The following NOL4 variants were observed in gnomAD, a reference collection of about 807,000 sequenced individuals.
NOL4 encodes nucleolar protein 4, also known as cancer/testis antigen 125.
A neutral mutation model predicts 75.9 loss-of-function variants in NOL4; 17 were observed. The observed-to-expected ratio is 0.22, with a 90% confidence interval of 0.15 to 0.34. The LOEUF (loss-of-function observed/expected upper bound fraction) is 0.34. NOL4 is among the 10% of genes least tolerant of loss of function. NOL4 has a pLI of 1.00. For missense variants in NOL4, 614 were observed against 793.5 expected (o/e 0.77, Z 2.72); for synonymous variants, 292 against 289.9 (o/e 1.01, Z -0.07).
chr18:33,922,786 C>A (rs1342948718), intron 9 of NOL4, among the ~76,000 whole-genome samples: 6 of 152,180 alleles, frequency 3.9e-5, no homozygotes, highest in Non-Finnish European at 8.8e-5. Flanking sequence ...AATGTTTACA[C>A]ATTCCTGCAT....
chr18:33,867,619 A>G (rs955331586), intron 10 of NOL4, among the ~76,000 whole-genome samples: 1 of 151,122 alleles, frequency 6.6e-6, no homozygotes, highest in African/African-American at 2.4e-5. Flanking sequence ...AAATCCCTGG[A>G]AAGTTAAGAC....
At chr18:33,928,004 C>A (rs1439687208) in intron 9 of NOL4, among the ~76,000 whole-genome samples, 5 of 152,102 alleles carry the variant, frequency 3.3e-5, no homozygotes, top group Non-Finnish European at 5.9e-5. Flanking sequence ...TGTTGTTTCA[C>A]AGTAACTAAT....
rs962432855 is a variant in NOL4, at chr18:34,086,859, T to G, written c.772+6606A>C. On this transcript the variant is annotated intron_variant, in intron 5 of 10. Coordinates refer to ENST00000261592, the MANE Select transcript of NOL4 (RefSeq NM_003787.5). Reference sequence around the variant, plus strand: ...GAGTAGAATAGGAGCATTTTCAAAATTTACAAAAGAACTGTCATATGTGGC... The same window carrying G: ...GAGTAGAATAGGAGCATTTTCAAAAGTTACAAAAGAACTGTCATATGTGGC... Among the ~76,000 whole-genome samples, 6 of 151,988 alleles carry G rather than the reference T, an allele frequency of 3.9e-5. No homozygotes were observed. In the South Asian group the frequency reaches 1.0e-3, roughly 26 times the overall value.
intron 6 of NOL4, among the ~76,000 whole-genome samples, chr18:33,971,520 T>A (rs945770473): frequency 7.9e-5 from 12 of 152,322 alleles, no homozygotes; most frequent in African/African-American, 2.9e-4. Context: ...GATGTATTTT[T>A]GTAGAGGGGT....
chr18:34,018,624 G>A (rs907522469), intron 6 of NOL4, among the ~76,000 whole-genome samples: 3 of 151,920 alleles, frequency 2.0e-5, no homozygotes, highest in Non-Finnish European at 4.4e-5. Context: ...AAAGTCACCA[G>A]CATGTGTTAT....
intron 5 of NOL4, among the ~76,000 whole-genome samples, chr18:34,088,144 T>C (rs572934869): frequency 2.0e-4 from 31 of 152,138 alleles, no homozygotes; most frequent in African/African-American, 5.1e-4. Context: ...ATTAAAGTGT[T>C]AACTCAGAAA....
intron 10 of NOL4, among the ~76,000 whole-genome samples, chr18:33,859,747 A>G (rs1567966017): frequency 6.6e-6 from 1 of 151,900 alleles, no homozygotes. Flanking sequence ...GGTGAAACCT[A>G]GTCTTTACTA....
At chr18:34,110,836 G>T (rs1353720518) in intron 2 of NOL4, among the ~76,000 whole-genome samples, 2 of 151,960 alleles carry the variant, frequency 1.3e-5, no homozygotes, top group African/African-American at 2.4e-5. Flanking sequence ...CAGTAAAGTT[G>T]CAGGACAAAA....
Position 33,899,822 on chromosome 18 carries a change from C to T in NOL4, c.1543-16398G>A, listed in dbSNP as rs560365739. Among the ~76,000 whole-genome samples the T allele has an allele frequency of 3.9e-5, 6 of 152,160 alleles. No homozygotes were observed. In the South Asian group the frequency reaches 8.3e-4, roughly 21 times the overall value. On this transcript the variant is annotated intron_variant, in intron 9 of 10. Transcript: ENST00000261592. ...CTTGTATCTGATTTGAGAAGCAGTT[C>T]ATTTGCATTTGTCTTTGTTTTTGTG...
intron 6 of NOL4, among the ~76,000 whole-genome samples, chr18:33,973,338 C>T (rs1485858496): frequency 6.6e-6 from 1 of 152,132 alleles, no homozygotes; most frequent in Non-Finnish European, 1.5e-5. Flanking sequence ...ACTTCTCTTG[C>T]TATTTCCACA....
chr18:33,995,839 T>G (rs2073242088), intron 6 of NOL4, among the ~76,000 whole-genome samples: 1 of 148,478 alleles, frequency 6.7e-6, no homozygotes, highest in African/African-American at 2.6e-5. Flanking sequence ...CTTTACGTCC[T>G]AGAATATGGC....
At chr18:34,161,993 C>A (rs371734191) in intron 1 of NOL4, among the ~76,000 whole-genome samples, 60 of 152,230 alleles carry the variant, frequency 3.9e-4, no homozygotes, top group African/African-American at 1.3e-3. Flanking sequence ...AACTTCTAAA[C>A]TATCTGCCAA....
At chr18:33,900,552 C>A (rs2065686236) in intron 9 of NOL4, among the ~76,000 whole-genome samples, 1 of 152,058 alleles carries the variant, frequency 6.6e-6, no homozygotes, top group Non-Finnish European at 1.5e-5. Context: ...AATTCTGTTT[C>A]CTTATAGAGT....
chr18:34,150,090 T>C lies in NOL4; in HGVS notation c.265-20070A>G, dbSNP rs2081578477. Among the ~76,000 whole-genome samples the C allele has an allele frequency of 2.6e-5, 4 of 151,822 alleles. 1 individual carries two copies. In the Admixed American group the frequency reaches 2.6e-4, roughly 10 times the overall value. ...TTCTCATCTAAAATATGATGATAAT[T>C]ATATAATATATCTGTTTAATTTATG... On this transcript the variant is annotated intron_variant, in intron 1 of 10. Transcript: ENST00000261592.
intron 5 of NOL4, among the ~76,000 whole-genome samples, chr18:34,064,993 A>C (rs1205602421): frequency 6.6e-6 from 1 of 151,874 alleles, no homozygotes; most frequent in Non-Finnish European, 1.5e-5. Flanking sequence ...AGAAAAATAT[A>C]CAATAGTTAC....
chr18:34,172,813 T>TA (rs1321628226), intron 1 of NOL4, among the ~76,000 whole-genome samples: 1 of 152,112 alleles, frequency 6.6e-6, no homozygotes, highest in Non-Finnish European at 1.5e-5. Context: ...ATTTACGTCT[T>TA]ATTTGGAAAA....
chr18:33,932,392 C>T (rs1358504993), intron 9 of NOL4, among the ~76,000 whole-genome samples: 2 of 151,874 alleles, frequency 1.3e-5, no homozygotes, highest in African/African-American at 4.8e-5. Context: ...TTTTAATAGG[C>T]ATATACCTAT....
chr18:33,851,202 C>T lies in NOL4; in HGVS notation c.*1640G>A, dbSNP rs561869555. On this transcript the variant is annotated 3_prime_UTR_variant, in exon 11 of 11. Transcript: ENST00000261592. ...CATTTAAATAAGCAAACTCTAAATC[C>T]ACATCTTAAAAGATGTTTGTGCAGC... is the stretch of plus-strand genomic sequence containing the variant. 3 of 152,504 alleles carry T rather than the reference C, an allele frequency of 2.0e-5. No homozygotes were observed. The South Asian group carries it at 6.2e-4, about 32-fold the overall frequency. 9.4% of individuals were successfully genotyped at this position (152,504 alleles called of 1,614,324 possible).
chr18:33,859,867 A>T (rs1340823747), intron 10 of NOL4, among the ~76,000 whole-genome samples: 1 of 152,136 alleles, frequency 6.6e-6, no homozygotes, highest in African/African-American at 2.4e-5. Flanking sequence ...TCAGTGGGCC[A>T]AGATCATGCC....
Sources: allele counts gnomAD v4.1 joint callset (sites outside exome capture counted in the v4.1 genomes callset), GRCh38; gene constraint gnomAD v4.1.1; transcripts MANE v1.5; gene names NCBI Gene and HGNC (gene_info 2026-07-23, HGNC 2026-07-21).